The following WWOX variants were observed in gnomAD, a reference collection of about 807,000 sequenced individuals.
The protein encoded by WWOX is WW domain-containing oxidoreductase.
Under a neutral mutation model 46.2 loss-of-function variants are expected in WWOX, and 69 were observed. The observed-to-expected ratio is 1.49, with a 90% CI of 1.23 to 1.82. The LOEUF (loss-of-function observed/expected upper bound fraction) is 1.82. Among genes scored for constraint, WWOX ranks in the 40% most tolerant of loss-of-function variants. The pLI, the probability that WWOX is intolerant of heterozygous loss-of-function variation, is 0.00. For synonymous variants in WWOX, 359 were observed against 202.6 expected (o/e 1.77, Z -6.56); for missense variants, 919 against 542.6 (o/e 1.69, Z -6.89).
At chr16:78,109,267 A>G (rs778459262) in intron 2 of WWOX, among the ~76,000 whole-genome samples, 2 of 152,060 alleles carry the variant, frequency 1.3e-5, no homozygotes, top group Admixed American at 6.6e-5. Flanking sequence ...TGGGAGGATC[A>G]CTTGTGCCTG....
At chr16:78,831,296 C>G (rs952293354) in intron 8 of WWOX, among the ~76,000 whole-genome samples, 8 of 152,192 alleles carry the variant, frequency 5.3e-5, no homozygotes, top group African/African-American at 1.9e-4. Flanking sequence ...TCTTTAGGCT[C>G]CTGGAGGATT....
intron 5 of WWOX, among the ~76,000 whole-genome samples, chr16:78,169,401 G>T (rs1225288789): frequency 1.3e-5 from 2 of 151,982 alleles, no homozygotes; most frequent in African/African-American, 4.8e-5. Flanking sequence ...ATCTATTGGA[G>T]TTGGGCTTCT....
At chr16:79,111,037 C>T (rs1486289716) in intron 8 of WWOX, among the ~76,000 whole-genome samples, 2 of 152,130 alleles carry the variant, frequency 1.3e-5, no homozygotes, top group Non-Finnish European at 2.9e-5. Context: ...TAGATGTAAT[C>T]GACCAGCAGA....
At chr16:78,988,052 C>T (rs996570843) in intron 8 of WWOX, among the ~76,000 whole-genome samples, 4 of 151,706 alleles carry the variant, frequency 2.6e-5, no homozygotes, top group African/African-American at 2.4e-5. Context: ...TAAAAGAGAG[C>T]GAATTTCTGG....
chr16:78,677,602 T>G (rs2047632497), intron 8 of WWOX, among the ~76,000 whole-genome samples: 1 of 152,236 alleles, frequency 6.6e-6, no homozygotes, highest in Non-Finnish European at 1.5e-5. Flanking sequence ...TTGTTTACAG[T>G]GTGGGACACC....
At chr16:79,058,148 C>T (rs1221445446) in intron 8 of WWOX, among the ~76,000 whole-genome samples, 1 of 149,140 alleles carries the variant, frequency 6.7e-6, no homozygotes, top group African/African-American at 2.5e-5. Context: ...AAAACTCCTT[C>T]TTCATTTGTT....
At chr16:78,662,009 A>G (rs190639557) in intron 8 of WWOX, among the ~76,000 whole-genome samples, 88 of 152,280 alleles carry the variant, frequency 5.8e-4, no homozygotes, top group Middle Eastern at 3.4e-3. Context: ...GTGCCACTGC[A>G]CTCCAGCCTG....
intron 8 of WWOX, among the ~76,000 whole-genome samples, chr16:79,060,506 G>T (rs943889323): frequency 6.6e-6 from 1 of 152,210 alleles, no homozygotes; most frequent in Admixed American, 6.5e-5. Context: ...GTGCTTAGTA[G>T]CATCTTATTA....
intron 5 of WWOX, among the ~76,000 whole-genome samples, chr16:78,177,845 G>A (rs1214599446): frequency 2.6e-5 from 4 of 152,218 alleles, no homozygotes; most frequent in Non-Finnish European, 5.9e-5. Context: ...GGCGCAAAGA[G>A]CAGAAAAGGA....
chr16:78,306,908 G>C (rs1052674124), intron 5 of WWOX, among the ~76,000 whole-genome samples: 6 of 152,172 alleles, frequency 3.9e-5, no homozygotes, highest in Non-Finnish European at 5.9e-5. Flanking sequence ...TAGTGTGTCT[G>C]TGAGTAGTCT....
intron 8 of WWOX, among the ~76,000 whole-genome samples, chr16:78,538,545 C>T (rs544623875): frequency 2.6e-5 from 4 of 152,244 alleles, no homozygotes; most frequent in South Asian, 2.1e-4. Context: ...ACCTTCCAGA[C>T]GAGCATGCTC....
intron 5 of WWOX, among the ~76,000 whole-genome samples, chr16:78,323,425 A>G (rs1449990208): frequency 6.6e-6 from 1 of 152,106 alleles, no homozygotes; most frequent in Non-Finnish European, 1.5e-5. Flanking sequence ...TATTAATAGT[A>G]GGGAGACAGT....
intron 5 of WWOX, among the ~76,000 whole-genome samples, chr16:78,290,436 G>A (rs888613790): frequency 2.6e-5 from 4 of 152,114 alleles, no homozygotes; most frequent in Admixed American, 1.3e-4. Flanking sequence ...AGTTTTTGTG[G>A]CATTGTTACA....
At chr16:78,139,364 G>C (rs368797301) in intron 4 of WWOX, among the ~76,000 whole-genome samples, 2 of 152,328 alleles carry the variant, frequency 1.3e-5, no homozygotes, top group African/African-American at 4.8e-5. Flanking sequence ...CAGACAGTAG[G>C]TCTGGCACTG....
At chr16:78,583,481 T>A (rs2045114820) in intron 8 of WWOX, among the ~76,000 whole-genome samples, 1 of 152,166 alleles carries the variant, frequency 6.6e-6, no homozygotes, top group Non-Finnish European at 1.5e-5. Context: ...TTTTCTCTTT[T>A]CTCTGAAAAG....
intron 8 of WWOX, among the ~76,000 whole-genome samples, chr16:78,690,031 T>G (rs571714721): frequency 1.3e-5 from 2 of 152,106 alleles, no homozygotes; most frequent in African/African-American, 2.4e-5. Context: ...CAGCCAATTT[T>G]TGTATTTTTA....
At chr16:78,369,644 A>C (rs1941879401) in intron 5 of WWOX, among the ~76,000 whole-genome samples, 1 of 151,914 alleles carries the variant, frequency 6.6e-6, no homozygotes. Flanking sequence ...ACATACTGTT[A>C]TCCATCCTAT....
chr16:78,477,241 T>C (rs1172877733), intron 8 of WWOX, among the ~76,000 whole-genome samples: 1 of 152,204 alleles, frequency 6.6e-6, no homozygotes, highest in Non-Finnish European at 1.5e-5. Context: ...TTTAAGGGGA[T>C]GATCTTCTAG....
intron 8 of WWOX, among the ~76,000 whole-genome samples, chr16:78,728,636 G>T (rs2048892089): frequency 6.6e-6 from 1 of 152,182 alleles, no homozygotes; most frequent in South Asian, 2.1e-4. Flanking sequence ...GCTTCTGGAA[G>T]GGTCTCAGAG....
Sources: gnomAD v4.1 joint callset for allele counts (sites outside exome capture counted in the v4.1 genomes callset) on GRCh38, gnomAD v4.1.1 for gene constraint, MANE v1.5 for transcripts, NCBI Gene and HGNC (gene_info 2026-07-23, HGNC 2026-07-21) for gene names.